TARBP1: variants seen among roughly 807,000 people sequenced by gnomAD.
TARBP1 encodes tRNA (guanosine(18)-2'-O)-methyltransferase TARBP1.
Under a neutral mutation model 178.6 loss-of-function variants are expected in TARBP1, and 144 were observed. The ratio of observed to expected loss-of-function variants is 0.81; its 90% CI spans 0.70 to 0.93. TARBP1 has a LOEUF of 0.93. Among genes scored for constraint, TARBP1 ranks in the 40% least tolerant of loss-of-function variants. The pLI is 0.00. For missense variants in TARBP1, 2,067 were observed against 2,011.7 expected, an observed-to-expected ratio of 1.03 and a Z score of -0.53; for synonymous variants, 787 against 781.0, an observed-to-expected ratio of 1.01 and a Z score of -0.13.
chr1:234,412,969 C>T (rs1211074692), intron 22 of TARBP1, among the ~76,000 whole-genome samples: 1 of 152,180 alleles, frequency 6.6e-6, no homozygotes, highest in Non-Finnish European at 1.5e-5. Context: ...TGAGCACTTG[C>T]ATGTCAGGAC....
rs576417584 is a variant in TARBP1, at chr1:234,450,031, C to T, written c.1861+397G>A. Among the ~76,000 whole-genome samples, 13 of 152,210 alleles carry T rather than the reference C, an allele frequency of 8.5e-5. No homozygotes were observed. The South Asian group carries it at 1.2e-3, about 15-fold the overall frequency. Reference sequence around the variant, plus strand: ...TTTTTCATAATCAGTTCATACTAAACGTGCTTTAAAAATGAAAAAGATAAA... The same window carrying T: ...TTTTTCATAATCAGTTCATACTAAATGTGCTTTAAAAATGAAAAAGATAAA... On this transcript the variant is annotated intron_variant, in intron 10 of 29. Transcript: ENST00000040877.
At position 234,425,016 on chromosome 1, in the gene TARBP1, G is replaced by A. The variant is rs113174544; in HGVS notation, c.3444+657C>T. Among the ~76,000 whole-genome samples the A allele has an allele frequency of 1.9e-3, 285 of 151,000 alleles. 3 individuals carry two copies. Among genetic ancestry groups the A allele is most frequent in the African/African-American group, 6.6e-3 (273 of 41,062 alleles). On this transcript the variant is annotated intron_variant, in intron 20 of 29. Transcript: ENST00000040877. ...GCAGAGGTTGCAATGAGCCAAGATC[G>A]CACCTTCGCACTCCAGCCTGGACAA...
intron 24 of TARBP1, among the ~76,000 whole-genome samples, chr1:234,402,490 A>G (rs1660782997): frequency 6.6e-6 from 1 of 152,214 alleles, no homozygotes; most frequent in Non-Finnish European, 1.5e-5. Flanking sequence ...CCGAATATTC[A>G]GGTAAAGAAA....
chr1:234,447,829 A>G (rs1422637770), intron 11 of TARBP1, among the ~76,000 whole-genome samples: 3 of 152,192 alleles, frequency 2.0e-5, no homozygotes, highest in Non-Finnish European at 2.9e-5. Context: ...CAAAGGAGTC[A>G]AATCCAGTAA....
rs1659509699 is a variant in TARBP1, at chr1:234,392,712, TC to T, written c.4561-161del. ...GAACTCTCCCAACATGACATCAATTTCTTTTTTTTTTTTTTTGAGGTGGAGT... is the reference window on the plus strand; with the variant it reads ...GAACTCTCCCAACATGACATCAATTTTTTTTTTTTTTTTTTGAGGTGGAGT... On this transcript the variant is annotated intron_variant, in intron 28 of 29. Transcript: ENST00000040877. 8 of 529,140 alleles carry T rather than the reference TC, an allele frequency of 1.5e-5. No individual in the cohort carries two copies. In the East Asian group the frequency reaches 2.0e-4, roughly 13 times the overall value. 32.8% of individuals were successfully genotyped at this position (529,140 alleles called of 1,614,324 possible).
chr1:234,400,800 TA>T (rs1660606301), intron 25 of TARBP1: 2 of 157,164 alleles, frequency 1.3e-5, no homozygotes, highest in Non-Finnish European at 2.8e-5. Flanking sequence ...AACAAAAAAG[TA>T]TATCTTTTTG....
At chr1:234,412,704 T>A (rs1241067184) in intron 22 of TARBP1, among the ~76,000 whole-genome samples, 1 of 151,958 alleles carries the variant, frequency 6.6e-6, no homozygotes. Flanking sequence ...GAGAGAGTTA[T>A]CTAGATAAAG....
At chr1:234,430,446 C>A in intron 14 of TARBP1, 145 bp from the exon 15 acceptor site, 1 of 682,052 alleles carries the variant, frequency 1.5e-6, no homozygotes, top group Non-Finnish European at 2.4e-6. Flanking sequence ...AAAAGGAAAT[C>A]CAGTACACAT....
chr1:234,468,420 G>A (rs58989629), intron 3 of TARBP1, among the ~76,000 whole-genome samples: 12,694 of 151,980 alleles, frequency 0.084, 921 homozygotes, highest in East Asian at 0.27. Flanking sequence ...GTGAGCCCAG[G>A]CCCCGCCACT....
chr1:234,438,195 T>C (rs12049164), intron 12 of TARBP1, among the ~76,000 whole-genome samples: 20,397 of 152,126 alleles, frequency 0.13, 1,503 homozygotes, highest in Middle Eastern at 0.26. Context: ...AGGATTTAAA[T>C]AAGATTCAGA....
intron 26 of TARBP1, among the ~76,000 whole-genome samples, chr1:234,396,463 C>T (rs1659942940): frequency 6.6e-6 from 1 of 152,172 alleles, no homozygotes; most frequent in Non-Finnish European, 1.5e-5. Flanking sequence ...CACCCTCCGT[C>T]CCTCTCTTCA....
At chr1:234,421,698 T>A (rs966196431) in intron 20 of TARBP1, among the ~76,000 whole-genome samples, 1 of 152,250 alleles carries the variant, frequency 6.6e-6, no homozygotes, top group Non-Finnish European at 1.5e-5. Context: ...TGGCTTTTCA[T>A]GGCTTGTGCC....
At chr1:234,422,525 T>G (rs1337518992) in intron 20 of TARBP1, among the ~76,000 whole-genome samples, 1 of 151,726 alleles carries the variant, frequency 6.6e-6, no homozygotes, top group African/African-American at 2.4e-5. Context: ...TTGTGGGAGC[T>G]AAAAAATAAA....
intron 24 of TARBP1, among the ~76,000 whole-genome samples, chr1:234,405,044 T>G (rs1413585808): frequency 6.6e-6 from 1 of 152,132 alleles, no homozygotes; most frequent in Non-Finnish European, 1.5e-5. Flanking sequence ...AACTTAATGG[T>G]CACGACCAAG....
intron 24 of TARBP1, among the ~76,000 whole-genome samples, chr1:234,405,694 T>C (rs1661159357): frequency 1.3e-5 from 2 of 152,028 alleles, no homozygotes; most frequent in African/African-American, 4.8e-5. Flanking sequence ...AAAAGGGCAA[T>C]AAGAGGTCAA....
At chr1:234,471,358 C>T (rs6697027) in intron 2 of TARBP1, 101 bp from the exon 3 acceptor site, 72,256 of 758,542 alleles carry the variant, frequency 0.095, 4,466 homozygotes, top group African/African-American at 0.26. Context: ...TCTGTTTCTA[C>T]AAAACATATG....
chr1:234,455,096 G>A (rs972535364), intron 9 of TARBP1, among the ~76,000 whole-genome samples: 1 of 152,128 alleles, frequency 6.6e-6, no homozygotes, highest in Non-Finnish European at 1.5e-5. Flanking sequence ...AAGTGGACTC[G>A]CCCCTACAAG....
chr1:234,478,489 C>T lies in TARBP1; in HGVS notation c.615G>A (p.Ala205=). ...GCCCGCCCCACACGGCCCGCAGCGC[C>T]GCCCCGCCACATTGGACCAGCACTG... is the stretch of plus-strand genomic sequence containing the variant. The part of the protein sequence containing the change: ...LLPVLVQCGG[A]ALRAVWGGLA... Residue 205 remains alanine, a synonymous_variant, in exon 1 of 30, where the codon GCG becomes GCA. Coordinates refer to ENST00000040877, the MANE Select transcript of TARBP1 (RefSeq NM_005646.4). 3 of 1,384,510 alleles carry T rather than the reference C, an allele frequency of 2.2e-6. No homozygotes were observed. The highest frequency in any genetic ancestry group is 1.5e-5 in the African/African-American group (1 of 65,908). 85.8% of individuals were successfully genotyped at this position (1,384,510 alleles called of 1,614,324 possible).
At chr1:234,424,133 A>G (rs1663437440) in intron 20 of TARBP1, among the ~76,000 whole-genome samples, 1 of 152,236 alleles carries the variant, frequency 6.6e-6, no homozygotes, top group Non-Finnish European at 1.5e-5. Flanking sequence ...TAAAAGTATG[A>G]TGAATACTCC....
Sources: gnomAD v4.1 joint callset for allele counts (sites outside exome capture counted in the v4.1 genomes callset) on GRCh38, gnomAD v4.1.1 for gene constraint, MANE v1.5 for transcripts, NCBI Gene and HGNC (gene_info 2026-07-23, HGNC 2026-07-21) for gene names.